SPARCL1: variants seen among roughly 807,000 people sequenced by gnomAD.
SPARCL1 encodes the protein SPARC-like protein 1.
SPARCL1 carries 52 observed loss-of-function variants against 67.1 expected under a neutral mutation model. The observed-to-expected ratio is 0.78, with a 90% CI of 0.62 to 0.98. SPARCL1 has a LOEUF of 0.98. Ranked by LOEUF, SPARCL1 falls within the 50% of genes least tolerant of loss-of-function variation. The pLI is 0.00. For synonymous variants in SPARCL1, 226 were observed against 267.8 expected (o/e 0.84, Z 1.52); for missense variants, 717 against 782.4 (o/e 0.92, Z 1.00).
chr4:87,495,605 G>C (rs118167943), intron 2 of SPARCL1, among the ~76,000 whole-genome samples: 1 of 151,962 alleles, frequency 6.6e-6, no homozygotes, highest in East Asian at 1.9e-4. Context: ...ATTTCTTAAC[G>C]CCATTGGCCT....
chr4:87,488,728 G>C (rs1447765939), intron 7 of SPARCL1, among the ~76,000 whole-genome samples: 1 of 152,174 alleles, frequency 6.6e-6, no homozygotes, highest in Non-Finnish European at 1.5e-5. Context: ...AAGGAGATGG[G>C]AGCTTTATCT....
intron 5 of SPARCL1, 30 bp from the exon 6 acceptor site, chr4:87,490,908 G>A: frequency 1.6e-6 from 2 of 1,279,434 alleles, no homozygotes; most frequent in Non-Finnish European, 2.2e-6. Context: ...AGGAAGCATG[G>A]ACAAAGTTAA....
chr4:87,504,784 A>G (rs751733232), intron 1 of SPARCL1: 7 of 152,234 alleles, frequency 4.6e-5, no homozygotes, highest in Admixed American at 6.5e-5. Flanking sequence ...TTTTAAACAA[A>G]AAGTTCCAAA....
At chr4:87,519,871 C>T (rs772250536) in intron 1 of SPARCL1, among the ~76,000 whole-genome samples, 2 of 152,136 alleles carry the variant, frequency 1.3e-5, no homozygotes, top group Non-Finnish European at 2.9e-5. Flanking sequence ...CCTCTCCAAG[C>T]AGTACTACAG....
intron 7 of SPARCL1, 57 bp from the exon 8 acceptor site, chr4:87,482,617 G>C (rs778963823): frequency 4.4e-6 from 7 of 1,597,640 alleles, no homozygotes; most frequent in Non-Finnish European, 6.0e-6. Flanking sequence ...CCTATGGCAA[G>C]TCCTCATAAT....
intron 10 of SPARCL1, among the ~76,000 whole-genome samples, chr4:87,476,574 A>C (rs1322440442): frequency 6.6e-6 from 1 of 152,186 alleles, no homozygotes; most frequent in African/African-American, 2.4e-5. Flanking sequence ...TAAATGGCTT[A>C]GGGGAACTTG....
intron 2 of SPARCL1, 53 bp downstream of exon 2, chr4:87,499,468 C>T: frequency 7.3e-7 from 1 of 1,368,848 alleles, no homozygotes; most frequent in Non-Finnish European, 1.0e-6. Flanking sequence ...TGGAGGATTT[C>T]TGCATTAAAT....
chr4:87,508,769 G>A (rs989695383), intron 1 of SPARCL1, among the ~76,000 whole-genome samples: 1 of 145,920 alleles, frequency 6.9e-6, no homozygotes, highest in Non-Finnish European at 1.5e-5. Context: ...GACAGGAACC[G>A]TGGATGAAAC....
chr4:87,499,551 T>C lies in SPARCL1; in HGVS notation c.24A>G (p.Leu8=), dbSNP rs574601884. The change falls in exon 2 of 11, where the codon CTA becomes CTG. Residue 8 remains leucine, a synonymous_variant. Transcript: ENST00000282470. ...TTGCAGCTGCAGTTCCCAAGAGACA[T>C]AGGAAAAAAAGCCCAGTCTTCATGC... The part of the protein sequence containing the change: MKTGLFF[L]CLLGTAAAIP... 1.1e-5 allele frequency: 17 copies of C among 1,592,330 alleles called. No individual in the cohort carries two copies. The highest frequency in any genetic ancestry group is 1.9e-5 in the Admixed American group (1 of 52,446).
intron 1 of SPARCL1, among the ~76,000 whole-genome samples, chr4:87,525,711 G>A (rs149040231): frequency 6.6e-6 from 1 of 152,268 alleles, no homozygotes; most frequent in African/African-American, 2.4e-5. Flanking sequence ...GTGTACATAA[G>A]TTGGTTGTGT....
intron 1 of SPARCL1, 38 bp from the exon 2 acceptor site, chr4:87,499,623 AG>A: frequency 2.0e-6 from 3 of 1,489,490 alleles, no homozygotes; most frequent in African/African-American, 1.4e-5. Flanking sequence ...GGCAGGGAAA[AG>A]TTTCCTCATG....
intron 10 of SPARCL1, among the ~76,000 whole-genome samples, chr4:87,474,627 T>C (rs1156960335): frequency 1.3e-5 from 2 of 152,194 alleles, no homozygotes; most frequent in African/African-American, 4.8e-5. Context: ...TACATCCTTC[T>C]TCCACCTTTC....
intron 7 of SPARCL1, among the ~76,000 whole-genome samples, chr4:87,484,452 T>G (rs1028446980): frequency 3.3e-5 from 5 of 152,238 alleles, no homozygotes; most frequent in African/African-American, 1.2e-4. Context: ...ATATCTGTTT[T>G]GATACCAGTA....
At chr4:87,522,870 A>T (rs1725882790) in intron 1 of SPARCL1, among the ~76,000 whole-genome samples, 1 of 152,118 alleles carries the variant, frequency 6.6e-6, no homozygotes, top group African/African-American at 2.4e-5. Flanking sequence ...CACGCCACCA[A>T]ATCCTGCCGT....
intron 1 of SPARCL1, among the ~76,000 whole-genome samples, chr4:87,503,094 T>G (rs1724915833): frequency 6.6e-6 from 1 of 152,244 alleles, no homozygotes; most frequent in East Asian, 1.9e-4. Flanking sequence ...GACATTGTGT[T>G]TATTCTGAGT....
chr4:87,499,443 A>T lies in SPARCL1; in HGVS notation c.54+78T>A. 3 of 1,149,924 alleles carry T rather than the reference A, an allele frequency of 2.6e-6. No individual in the cohort carries two copies. In the South Asian group the frequency reaches 3.9e-5, roughly 15 times the overall value. 71.2% of individuals were successfully genotyped at this position (1,149,924 alleles called of 1,614,324 possible). A position where few individuals can be genotyped will look rare whatever the true frequency, so the allele number is the denominator to read the frequency against. ...GAGAATTTCAAACCATTATATAAGA[A>T]CATTTTCTTTTAAATGGAGGATTTC... is the stretch of plus-strand genomic sequence containing the variant. On this transcript the variant is annotated intron_variant, in intron 2 of 10. Coordinates refer to ENST00000282470, the MANE Select transcript of SPARCL1 (RefSeq NM_004684.6).
chr4:87,525,958 A>G (rs1726022313), intron 1 of SPARCL1, among the ~76,000 whole-genome samples: 1 of 152,208 alleles, frequency 6.6e-6, no homozygotes, highest in Non-Finnish European at 1.5e-5. Context: ...AAAACAAAAA[A>G]AAGACTCTTT....
Position 87,482,562 on chromosome 4 carries a change from T to C in SPARCL1, c.1532-2A>G, listed in dbSNP as rs750668350. On this transcript the variant is annotated splice_acceptor_variant, in intron 7 of 10. Coordinates refer to ENST00000282470, the MANE Select transcript of SPARCL1 (RefSeq NM_004684.6). LOFTEE classifies it high-confidence loss of function. The stretch of plus-strand genomic sequence containing the variant: ...CAAAGTCCGTACAAGTAGGAATAGC[T>C]GTTACAAGCAGAAAATGTACTGTAA... 6.2e-7 allele frequency: 1 copy of C among 1,613,882 alleles called. No individual in the cohort carries two copies. The highest frequency in any genetic ancestry group is 8.5e-7 in the Non-Finnish European group (1 of 1,179,816).
rs1724258838 is a variant in SPARCL1 at position 87,490,253 on chromosome 4, C to T, written c.1531+20G>A. Reference sequence around the variant, plus strand: ...AAGCCCTCTCAGAGATGATGGTTGACAGGAGGGACATAATCTTACATTTGC... The same window carrying T: ...AAGCCCTCTCAGAGATGATGGTTGATAGGAGGGACATAATCTTACATTTGC... On this transcript the variant is annotated intron_variant, in intron 7 of 10. Transcript: ENST00000282470. 2.5e-6 allele frequency: 4 copies of T among 1,596,436 alleles called. No individual in the cohort carries two copies. The East Asian group carries it at 9.0e-5, about 36-fold the overall frequency.
Sources: allele counts gnomAD v4.1 joint callset (sites outside exome capture counted in the v4.1 genomes callset), GRCh38; gene constraint gnomAD v4.1.1; transcripts MANE v1.5; gene names NCBI Gene and HGNC (gene_info 2026-07-23, HGNC 2026-07-21).